CHD4: variants seen among roughly 807,000 people sequenced by gnomAD.
The protein encoded by CHD4 is ATP-dependent chromatin remodeler CHD4.
In CHD4, 35 loss-of-function variants were observed where a neutral mutation model predicts 235.5. The observed-to-expected ratio is 0.15, with a 90% CI of 0.11 to 0.20. The LOEUF (loss-of-function observed/expected upper bound fraction) is 0.20. Ranked by LOEUF, CHD4 falls within the 10% of genes least tolerant of loss-of-function variation. CHD4 has a pLI of 1.00. For missense variants in CHD4, 1,329 were observed against 2,432.3 expected (o/e 0.55, Z 9.54); for synonymous variants, 900 against 850.2 (o/e 1.06, Z -1.02).
intron 19 of CHD4, 29 bp downstream of exon 19, chr12:6,592,364 G>A (rs2136214305): frequency 5.8e-6 from 9 of 1,554,114 alleles, no homozygotes; most frequent in Non-Finnish European, 7.8e-6. Context: ...ATGTCTAAAT[G>A]GAGTCTGCTT....
intron 2 of CHD4, among the ~76,000 whole-genome samples, chr12:6,604,403 C>T (rs1345584659): frequency 6.6e-6 from 1 of 152,192 alleles, no homozygotes; most frequent in Non-Finnish European, 1.5e-5. Flanking sequence ...GGGAATGAGA[C>T]ATTAGGCTGG....
rs981276245 is a variant in CHD4 at position 6,592,554 on chromosome 12, A to G, written c.2787T>C (p.Gly929=). The change falls in exon 19 of 40, where the codon GGT becomes GGC. Residue 929 remains glycine, a synonymous_variant. Coordinates refer to ENST00000544040, the MANE Select transcript of CHD4 (RefSeq NM_001273.5). Reference sequence around the variant, plus strand: ...CAATGTCAGCAAACTCCTCCAAAAAACCTTCCAAATTGCTTCAGAAAGAAA... The same window carrying G: ...CAATGTCAGCAAACTCCTCCAAAAAGCCTTCCAAATTGCTTCAGAAAGAAA... ...LTPERFHNLE[G]FLEEFADIAK... The G allele has an allele frequency of 1.3e-6, 2 of 1,587,156 alleles. No individual in the cohort carries two copies. Among genetic ancestry groups the G allele is most frequent in the Non-Finnish European group, 1.7e-6 (2 of 1,163,244 alleles).
chr12:6,572,750 C>T (rs966409192), intron 38 of CHD4, among the ~76,000 whole-genome samples: 16 of 152,098 alleles, frequency 1.1e-4, no homozygotes, highest in East Asian at 1.9e-4. Context: ...TTAGTAGAGA[C>T]GGGGTTTCAC....
chr12:6,594,054 C>T (rs1168029526), intron 15 of CHD4, among the ~76,000 whole-genome samples: 1 of 152,118 alleles, frequency 6.6e-6, no homozygotes, highest in Non-Finnish European at 1.5e-5. Context: ...AGGCTGGTCT[C>T]GAACTCCTGA....
chr12:6,606,458 G>T lies in CHD4; in HGVS notation c.-78-7C>A. On this transcript the variant is annotated splice_polypyrimidine_tract_variant and splice_region_variant and intron_variant, in intron 1 of 39. Coordinates refer to ENST00000544040, the MANE Select transcript of CHD4 (RefSeq NM_001273.5). ...TCTACACTGGCCCGAGTCACTGTGC[G>T]GGGGAGGGGGGAGAAACACAGAACA... The T allele has an allele frequency of 1.5e-6, 1 of 688,174 alleles. No individual in the cohort carries two copies. The allele number at this position is 688,174 out of a possible 1,614,324, so 42.6% of individuals were successfully genotyped here.
At chr12:6,573,450 C>T (rs1391851741) in intron 37 of CHD4, 181 bp from the exon 38 acceptor site, 3 of 415,906 alleles carry the variant, frequency 7.2e-6, no homozygotes, top group African/African-American at 4.1e-5. Context: ...TTTTCTTTCC[C>T]TTTTTCAATG....
chr12:6,581,332 C>T lies in CHD4; in HGVS notation c.4738G>A (p.Glu1580Lys), dbSNP rs779943343. The T allele has an allele frequency of 4.3e-6, 7 of 1,614,090 alleles. No individual in the cohort carries two copies. The African/African-American group carries it at 9.3e-5, about 22-fold the overall frequency. ...SLKEEESIEGEKEVKSTAPET... is the reference protein window; with the variant it reads ...SLKEEESIEGKKEVKSTAPET... ...GGGGCTGTAGATTTAACCTCCTTTT[C>T]TCCTTCTATGCTCTCTTCTTCTTTG... The change falls in exon 32 of 40, where the codon GAA becomes AAA. Residue 1580 changes from glutamate (E) to lysine (K), a missense_variant. Glu to Lys is a moderately conservative substitution (Grantham distance 56, BLOSUM62 1). This residue lies in a region of CHD4 where 219 missense variants were observed against 219.3 expected (regional missense o/e 1.00). Coordinates refer to ENST00000544040, the MANE Select transcript of CHD4 (RefSeq NM_001273.5).
chr12:6,601,709 C>T lies in CHD4; in HGVS notation c.496G>A (p.Val166Met), dbSNP rs141366600. The change falls in exon 5 of 40, where the codon GTG becomes ATG. Residue 166 changes from valine (V) to methionine (M), a missense_variant. Coordinates refer to ENST00000544040, the MANE Select transcript of CHD4 (RefSeq NM_001273.5). ...EDWGMEDIDH[V>M]FSEEDYRTLT... ...GTTCGATAATCCTCCTCTGAGAACA[C>T]GTGGTCAATGTCTTCCATGCCCCAG... 45 of 1,614,176 alleles carry T rather than the reference C, an allele frequency of 2.8e-5. No individual in the cohort carries two copies. Among genetic ancestry groups the T allele is most frequent in the South Asian group, 4.4e-5 (4 of 91,082 alleles).
chr12:6,571,678 AGCTGGGGCGCAGTG>A (rs1421078481), intron 38 of CHD4: 2 of 152,222 alleles, frequency 1.3e-5, no homozygotes, highest in African/African-American at 4.8e-5. Flanking sequence ...ATACAAAATT[AGCTGGGGCGCAGTG>A]GCTCATGCCT....
At chr12:6,581,269 A>T in intron 32 of CHD4, 22 bp downstream of exon 32, 3 of 1,613,908 alleles carry the variant, frequency 1.9e-6, no homozygotes, top group Non-Finnish European at 1.7e-6. Context: ...TTAGTATGGC[A>T]TTCAGTCACC....
intron 14 of CHD4, among the ~76,000 whole-genome samples, chr12:6,594,953 C>A (rs1948460948): frequency 6.6e-6 from 1 of 152,086 alleles, no homozygotes; most frequent in African/African-American, 2.4e-5. Context: ...ATCGTTATGT[C>A]CCTCTTAGAT....
At chr12:6,573,915 TCA>T (rs1491562161) in intron 37 of CHD4, among the ~76,000 whole-genome samples, 18 of 139,250 alleles carry the variant, frequency 1.3e-4, no homozygotes, top group African/African-American at 5.6e-4. Flanking sequence ...CTGCAGCTAC[TCA>T]AGAGGTTGAG....
intron 2 of CHD4, among the ~76,000 whole-genome samples, chr12:6,605,432 A>T (rs1287974188): frequency 6.6e-6 from 1 of 152,174 alleles, no homozygotes; most frequent in Non-Finnish European, 1.5e-5. Flanking sequence ...CAGTTCCCCC[A>T]ATCAGACAGG....
At chr12:6,592,356 G>A in intron 19 of CHD4, 37 bp downstream of exon 19, 1 of 1,547,858 alleles carries the variant, frequency 6.5e-7, no homozygotes, top group Non-Finnish European at 8.7e-7. Context: ...ACTGGCAGAT[G>A]TCTAAATGGA....
intron 14 of CHD4, 36 bp from the exon 15 acceptor site, chr12:6,594,686 G>A: frequency 1.3e-6 from 2 of 1,582,290 alleles, no homozygotes. Context: ...GAGCTGGCAA[G>A]GAACTCCCCT....
chr12:6,576,668 C>T (rs1163179952), intron 37 of CHD4, among the ~76,000 whole-genome samples: 1 of 151,932 alleles, frequency 6.6e-6, no homozygotes, highest in African/African-American at 2.4e-5. Flanking sequence ...TGCAGTGGTG[C>T]GATCTCGGCT....
At chr12:6,582,335 T>G in intron 29 of CHD4, 54 bp from the exon 30 acceptor site, 1 of 1,507,968 alleles carries the variant, frequency 6.6e-7, no homozygotes, top group Non-Finnish European at 8.9e-7. Context: ...ACTCTTAGAT[T>G]CTTTTCCATC....
At chr12:6,583,139 G>T in intron 26 of CHD4, 26 bp from the exon 27 acceptor site, 1 of 1,578,840 alleles carries the variant, frequency 6.3e-7, no homozygotes, top group Non-Finnish European at 8.6e-7. Context: ...GCAGATGAGC[G>T]GGGCCCACTG....
At chr12:6,588,446 A>G (rs1460002299) in intron 22 of CHD4, 24 bp from the exon 23 acceptor site, 3 of 1,608,790 alleles carry the variant, frequency 1.9e-6, no homozygotes, top group Non-Finnish European at 1.7e-6. Flanking sequence ...CAAAAACACC[A>G]TTAGAAGTGT....
Sources: allele counts gnomAD v4.1 joint callset (sites outside exome capture counted in the v4.1 genomes callset), GRCh38; gene constraint gnomAD v4.1.1; regional missense constraint gnomAD v4.1.1; transcripts MANE v1.5; gene names NCBI Gene and HGNC (gene_info 2026-07-23, HGNC 2026-07-21).